The following XPO6 variants were observed in gnomAD, a reference collection of about 807,000 sequenced individuals.
The protein encoded by XPO6 is exportin 6.
In XPO6, 3 loss-of-function variants were observed where a neutral mutation model predicts 130.0. The observed-to-expected ratio is 0.02, with a 90% CI of 0.01 to 0.06. The LOEUF is 0.06. Ranked by LOEUF, XPO6 falls within the 10% of genes least tolerant of loss-of-function variation. The pLI is 1.00. For missense variants in XPO6, 970 were observed against 1,393.0 expected, an observed-to-expected ratio of 0.70 and a Z score of 4.83; for synonymous variants, 524 against 548.9, an observed-to-expected ratio of 0.95 and a Z score of 0.63.
At chr16:28,107,062 CTGCT>C (rs1445933656) in intron 18 of XPO6, among the ~76,000 whole-genome samples, 1 of 152,212 alleles carries the variant, frequency 6.6e-6, no homozygotes, top group Non-Finnish European at 1.5e-5. Context: ...TGCACGCAAT[CTGCT>C]TGCAAGAGGC....
chr16:28,100,358 A>T (rs1215229756), intron 23 of XPO6, among the ~76,000 whole-genome samples: 1 of 152,248 alleles, frequency 6.6e-6, no homozygotes, highest in African/African-American at 2.4e-5. Context: ...TTAGAAGCTG[A>T]TCATTAAGTA....
In XPO6 at chr16:28,133,827, G is replaced by A. The variant is rs184989; in HGVS notation, c.1536+14C>T. ...AAATCGCTACACTCTCCACTCCCCC[G>A]GACAGCACATTACCAGTGTGGAGAA... is the stretch of plus-strand genomic sequence containing the variant. On this transcript the variant is annotated intron_variant, in intron 11 of 23. Transcript: ENST00000304658. 43,819 of 1,613,256 alleles carry A rather than the reference G, an allele frequency of 0.027. 3,650 individuals carry two copies. Among genetic ancestry groups the A allele is most frequent in the Admixed American group, 0.19 (11,381 of 59,844 alleles).
chr16:28,193,461 C>T (rs2043814224), intron 1 of XPO6, among the ~76,000 whole-genome samples: 1 of 152,184 alleles, frequency 6.6e-6, no homozygotes, highest in Non-Finnish European at 1.5e-5. Context: ...CAGGGACTTT[C>T]ATGTGCCCGG....
intron 1 of XPO6, among the ~76,000 whole-genome samples, chr16:28,200,947 C>A (rs1013805356): frequency 6.6e-6 from 1 of 152,076 alleles, no homozygotes; most frequent in Non-Finnish European, 1.5e-5. Flanking sequence ...TTTTCTCTCT[C>A]TATGCCCATT....
intron 7 of XPO6, chr16:28,153,690 A>T (rs1026518389): frequency 5.1e-6 from 5 of 985,328 alleles, no homozygotes; most frequent in Non-Finnish European, 1.2e-6. Flanking sequence ...AGATGGCCAT[A>T]CCTTCATAAA....
At chr16:28,154,078 T>TA in intron 7 of XPO6, 1 of 985,350 alleles carries the variant, frequency 1.0e-6, no homozygotes, top group Non-Finnish European at 1.2e-6. Context: ...CAACTGTTTT[T>TA]AGAGACAGGA....
rs144829517 is a variant in XPO6 at position 28,123,078 on chromosome 16, T to G, written c.1767-1316A>C. 6.0e-4 allele frequency among the ~76,000 whole-genome samples: 92 copies of G among 152,236 alleles called. 1 individual carries two copies. The Middle Eastern group carries it at 0.014, about 23-fold the overall frequency. ...TCTAGTAGGAAATGGGAAATGCCTC[T>G]TTCATTACAGACAGGACAACATTCC... On this transcript the variant is annotated intron_variant, in intron 13 of 23. Coordinates refer to ENST00000304658, the MANE Select transcript of XPO6 (RefSeq NM_015171.4).
intron 14 of XPO6, among the ~76,000 whole-genome samples, chr16:28,120,102 C>A (rs893418380): frequency 1.3e-5 from 2 of 152,164 alleles, no homozygotes; most frequent in African/African-American, 2.4e-5. Flanking sequence ...GCCTCGGCCT[C>A]CCAAAATGCT....
chr16:28,209,747 T>G (rs1489531728), intron 1 of XPO6, among the ~76,000 whole-genome samples: 1 of 152,146 alleles, frequency 6.6e-6, no homozygotes, highest in Non-Finnish European at 1.5e-5. Flanking sequence ...AGATTACTCT[T>G]TAGAGAAATC....
chr16:28,135,088 C>A, intron 10 of XPO6, 128 bp downstream of exon 10: 1 of 675,622 alleles, frequency 1.5e-6, no homozygotes, highest in Non-Finnish European at 2.4e-6. Flanking sequence ...AAATGTACGA[C>A]TCAAACCAGA....
intron 8 of XPO6, among the ~76,000 whole-genome samples, chr16:28,152,074 A>ATGTG (rs71389527): frequency 4.8e-4 from 72 of 151,158 alleles, no homozygotes; most frequent in Non-Finnish European, 9.0e-4. Flanking sequence ...TATATTTTTT[A>ATGTG]TGTGTGTGTG....
intron 6 of XPO6, among the ~76,000 whole-genome samples, chr16:28,157,716 A>C (rs1567628981): frequency 6.6e-6 from 1 of 152,262 alleles, no homozygotes; most frequent in African/African-American, 2.4e-5. Context: ...ATTCATTAGT[A>C]ATCAGAAAAA....
intron 6 of XPO6, among the ~76,000 whole-genome samples, chr16:28,160,382 T>C (rs2043256549): frequency 6.6e-6 from 1 of 151,082 alleles, no homozygotes; most frequent in South Asian, 2.1e-4. Flanking sequence ...CTGCCACCTG[T>C]AATCCCAACT....
At chr16:28,116,332 G>T (rs577363447) in intron 15 of XPO6, among the ~76,000 whole-genome samples, 1 of 152,166 alleles carries the variant, frequency 6.6e-6, no homozygotes, top group Non-Finnish European at 1.5e-5. Flanking sequence ...CAAGGCGGCA[G>T]GCGCCAGTAG....
At position 28,146,125 on chromosome 16, in the gene XPO6, G is replaced by A. The variant is rs1480596743; in HGVS notation, c.1303C>T (p.Arg435Cys). 1.2e-6 allele frequency: 2 copies of A among 1,613,830 alleles called. No individual in the cohort carries two copies. The highest frequency in any genetic ancestry group is 8.5e-7 in the Non-Finnish European group (1 of 1,179,946). The change falls in exon 9 of 24, where the codon CGT becomes TGT. Residue 435 changes from arginine (R) to cysteine (C), a missense_variant. By Grantham distance (180) the Arg-to-Cys change is radical. Transcript: ENST00000304658. ...AGAACTGCTTCCTTGTCTCCAAGACGACTTTTAATTTTACTTGTCAGATAG... is the reference window on the plus strand; with the variant it reads ...AGAACTGCTTCCTTGTCTCCAAGACAACTTTTAATTTTACTTGTCAGATAG... Reference protein sequence around the residue: ...LDYLTSKIKSRLGDKEAVLNR... With the variant: ...LDYLTSKIKSCLGDKEAVLNR...
rs376954074 is a variant in XPO6 at position 28,125,673 on chromosome 16, G to GT, written c.1766+15dup. 69 of 1,611,320 alleles carry GT rather than the reference G, an allele frequency of 4.3e-5. No homozygotes were observed. The African/African-American group carries it at 8.5e-4, about 20-fold the overall frequency. ...TCTGAAGAAGGAACAGCTCCATAAGGTAACTGCCAGCCTACCTTTCCACGA... is the reference window on the plus strand; with the variant it reads ...TCTGAAGAAGGAACAGCTCCATAAGGTTAACTGCCAGCCTACCTTTCCACGA... On this transcript the variant is annotated intron_variant, in intron 13 of 23. Coordinates refer to ENST00000304658, the MANE Select transcript of XPO6 (RefSeq NM_015171.4).
At chr16:28,138,490 A>T (rs2141774385) in intron 9 of XPO6, among the ~76,000 whole-genome samples, 1 of 152,276 alleles carries the variant, frequency 6.6e-6, no homozygotes, top group South Asian at 2.1e-4. Flanking sequence ...TTAGAAAATT[A>T]AGTCCAAGTA....
chr16:28,117,629 G>A (rs1341633304), intron 14 of XPO6, among the ~76,000 whole-genome samples, 167 bp from the exon 15 acceptor site: 1 of 152,218 alleles, frequency 6.6e-6, no homozygotes, highest in African/African-American at 2.4e-5. Flanking sequence ...TAAAAACTAA[G>A]ATATTCATCA....
intron 1 of XPO6, among the ~76,000 whole-genome samples, chr16:28,193,459 T>C (rs1201852426): frequency 3.3e-5 from 5 of 152,182 alleles, no homozygotes; most frequent in Non-Finnish European, 7.4e-5. Flanking sequence ...ACCAGGGACT[T>C]TCATGTGCCC....
Sources: allele counts gnomAD v4.1 joint callset (sites outside exome capture counted in the v4.1 genomes callset), GRCh38; gene constraint gnomAD v4.1.1; transcripts MANE v1.5; gene names NCBI Gene and HGNC (gene_info 2026-07-23, HGNC 2026-07-21).